Variants in TSHZ2 observed in about 807,000 individuals in gnomAD.
The protein encoded by TSHZ2 is teashirt homolog 2.
In TSHZ2, 21 loss-of-function variants were observed where a neutral mutation model predicts 74.4. The ratio of observed to expected loss-of-function variants is 0.28; its 90% CI spans 0.20 to 0.41. TSHZ2 has a LOEUF of 0.41. Among genes scored for constraint, TSHZ2 ranks in the 10% least tolerant of loss-of-function variants. The probability of loss-of-function intolerance (pLI) is 1.00; values close to 1 mark genes in which losing one functional copy is unlikely to be tolerated. For synonymous variants in TSHZ2, 540 were observed against 515.3 expected (o/e 1.05, Z -0.65); for missense variants, 1,244 against 1,293.5 (o/e 0.96, Z 0.59).
At chr20:53,248,644 T>C (rs2426475) in intron 1 of TSHZ2, among the ~76,000 whole-genome samples, 111,050 of 152,042 alleles carry the variant, frequency 0.73, 41,237 homozygotes, top group African/African-American at 0.88. Context: ...AAAGTTCCCA[T>C]GTGTGAATCT....
intron 2 of TSHZ2, among the ~76,000 whole-genome samples, chr20:53,447,474 A>G (rs942866506): frequency 1.3e-5 from 2 of 152,244 alleles, no homozygotes; most frequent in African/African-American, 2.4e-5. Context: ...TTGCCTAAGC[A>G]TGGTACAATT....
intron 1 of TSHZ2, among the ~76,000 whole-genome samples, chr20:53,226,427 G>GGTGTGTGT (rs762992567): frequency 0.012 from 1,790 of 149,650 alleles, 41 homozygotes; most frequent in African/African-American, 0.043. Flanking sequence ...TGTGTGGGTC[G>GGTGTGTGT]GTGTGTGTAT....
intron 1 of TSHZ2, among the ~76,000 whole-genome samples, chr20:53,162,219 GA>G (rs1987958033): frequency 6.6e-6 from 1 of 151,972 alleles, no homozygotes; most frequent in Non-Finnish European, 1.5e-5. Flanking sequence ...ACAACTGAAG[GA>G]AAAAAATAAC....
chr20:52,979,821 T>C (rs913024109), intron 1 of TSHZ2, among the ~76,000 whole-genome samples: 1 of 152,164 alleles, frequency 6.6e-6, no homozygotes, highest in Non-Finnish European at 1.5e-5. Context: ...TATTAATATA[T>C]CAGTATTATT....
At chr20:53,401,429 G>A (rs926070940) in intron 2 of TSHZ2, among the ~76,000 whole-genome samples, 2 of 152,106 alleles carry the variant, frequency 1.3e-5, no homozygotes, top group Non-Finnish European at 2.9e-5. Flanking sequence ...TGGGGGAACA[G>A]GTGGTGTTTG....
At chr20:53,130,315 G>T (rs1987069127) in intron 1 of TSHZ2, among the ~76,000 whole-genome samples, 1 of 152,036 alleles carries the variant, frequency 6.6e-6, no homozygotes. Flanking sequence ...AATTTTATTT[G>T]TTGTTGTTAT....
At chr20:53,307,098 A>G (rs552954729) in intron 2 of TSHZ2, among the ~76,000 whole-genome samples, 1 of 152,260 alleles carries the variant, frequency 6.6e-6, no homozygotes, top group Non-Finnish European at 1.5e-5. Context: ...TGGGAAATGA[A>G]CAAAGTGAGG....
chr20:53,211,231 T>A (rs1173738521), intron 1 of TSHZ2, among the ~76,000 whole-genome samples: 2 of 152,162 alleles, frequency 1.3e-5, no homozygotes, highest in African/African-American at 2.4e-5. Flanking sequence ...TAAGTAACTT[T>A]CCCAGGTCAC....
intron 1 of TSHZ2, among the ~76,000 whole-genome samples, chr20:53,207,677 A>C (rs963788204): frequency 6.9e-6 from 1 of 145,526 alleles, no homozygotes; most frequent in Non-Finnish European, 1.5e-5. Context: ...TTTTTATTTT[A>C]TTTTTTTATT....
intron 2 of TSHZ2, among the ~76,000 whole-genome samples, chr20:53,432,090 G>A (rs1473614467): frequency 6.6e-6 from 1 of 152,108 alleles, no homozygotes; most frequent in African/African-American, 2.4e-5. Context: ...CCCGAGTAGT[G>A]TACCCAAAAT....
At position 53,273,725 on chromosome 20, in the gene TSHZ2, C is replaced by T. The variant is rs371362256; in HGVS notation, c.*8+17154C>T. On this transcript the variant is annotated intron_variant, in intron 2 of 2. Coordinates refer to ENST00000371497, the MANE Select transcript of TSHZ2 (RefSeq NM_173485.6). Reference sequence around the variant, plus strand: ...GCCTTGGTTGGAGCCTCAGTGGAGGCGGTGAGCATGGGAAGGAATGCGTGG... The same window carrying T: ...GCCTTGGTTGGAGCCTCAGTGGAGGTGGTGAGCATGGGAAGGAATGCGTGG... Among the ~76,000 whole-genome samples the T allele has an allele frequency of 1.3e-4, 20 of 152,190 alleles. 1 individual carries two copies. In the East Asian group the frequency reaches 2.9e-3, roughly 22 times the overall value.
chr20:53,087,028 C>T (rs746087691), intron 1 of TSHZ2, among the ~76,000 whole-genome samples: 6 of 152,008 alleles, frequency 3.9e-5, no homozygotes, highest in East Asian at 1.9e-4. Context: ...CATGGCTCTG[C>T]GGAGAAAGGA....
intron 1 of TSHZ2, among the ~76,000 whole-genome samples, chr20:53,126,379 G>A (rs1986947673): frequency 2.0e-5 from 3 of 152,302 alleles, no homozygotes; most frequent in East Asian, 1.9e-4. Context: ...CTAAGCCAAC[G>A]AGAGGTAATA....
intron 1 of TSHZ2, among the ~76,000 whole-genome samples, chr20:53,002,498 G>C (rs1445691447): frequency 6.6e-6 from 1 of 152,052 alleles, no homozygotes; most frequent in African/African-American, 2.4e-5. Context: ...CTCAAGGAGA[G>C]GTCATGGTCT....
intron 2 of TSHZ2, among the ~76,000 whole-genome samples, chr20:53,334,174 A>T (rs1444905850): frequency 6.6e-6 from 1 of 152,224 alleles, no homozygotes; most frequent in Non-Finnish European, 1.5e-5. Context: ...TAAGGGTAAG[A>T]CACAGATAAA....
chr20:53,353,029 C>G (rs1319310229), intron 2 of TSHZ2, among the ~76,000 whole-genome samples: 1 of 151,944 alleles, frequency 6.6e-6, no homozygotes, highest in Non-Finnish European at 1.5e-5. Context: ...CTCATGTAAA[C>G]AATTTGTATT....
intron 2 of TSHZ2, among the ~76,000 whole-genome samples, chr20:53,261,959 T>C (rs1990608716): frequency 6.6e-6 from 1 of 152,220 alleles, no homozygotes. Context: ...TGGTTGCAGA[T>C]GAGGAGCAGA....
In TSHZ2 at chr20:53,256,375, C is replaced by A; in HGVS notation, c.2917C>A (p.Arg973=). Residue 973 remains arginine (R), a synonymous_variant, in exon 2 of 3, where the codon CGG becomes AGG. Coordinates refer to ENST00000371497, the MANE Select transcript of TSHZ2 (RefSeq NM_173485.6). The surrounding 1 kb of genome is among the most constrained non-coding windows in gnomAD (Gnocchi z 4.3). The part of the protein sequence containing the change: ...QQSKVEQEIS[R]VSSAQRSPET... ...AAGCAAGGTGGAGCAAGAGATCTCCCGGGTATCGTCGGCTCAGAGGTCTCC... is the reference window on the plus strand; with the variant it reads ...AAGCAAGGTGGAGCAAGAGATCTCCAGGGTATCGTCGGCTCAGAGGTCTCC... 6.2e-7 allele frequency: 1 copy of A among 1,613,128 alleles called. No homozygotes were observed. Among genetic ancestry groups the A allele is most frequent in the Non-Finnish European group, 8.5e-7 (1 of 1,179,204 alleles).
chr20:53,132,723 T>C (rs1308525338), intron 1 of TSHZ2, among the ~76,000 whole-genome samples: 1 of 152,224 alleles, frequency 6.6e-6, no homozygotes, highest in East Asian at 1.9e-4. Flanking sequence ...AAGGTGTGTG[T>C]ACTGTGACAC....
Sources: allele counts gnomAD v4.1 joint callset (sites outside exome capture counted in the v4.1 genomes callset), GRCh38; gene constraint gnomAD v4.1.1; non-coding constraint Gnocchi (gnomAD v3.1); transcripts MANE v1.5; gene names NCBI Gene and HGNC (gene_info 2026-07-23, HGNC 2026-07-21).